Variants in AGO3 observed in about 807,000 individuals in gnomAD.
AGO3 encodes the protein protein argonaute-3.
A neutral mutation model predicts 105.5 loss-of-function variants in AGO3; 16 were observed. The ratio of observed to expected loss-of-function variants is 0.15; its 90% confidence interval spans 0.10 to 0.23. AGO3 has a LOEUF of 0.23. Among genes scored for constraint, AGO3 ranks in the 10% least tolerant of loss-of-function variants. The pLI, the probability that AGO3 is intolerant of heterozygous loss-of-function variation, is 1.00. For missense variants in AGO3, 534 were observed against 1,088.0 expected, an observed-to-expected ratio of 0.49 and a Z score of 7.16; for synonymous variants, 340 against 367.3, an observed-to-expected ratio of 0.93 and a Z score of 0.85.
intron 5 of AGO3, among the ~76,000 whole-genome samples, chr1:36,001,553 C>G (rs1271838856): frequency 6.6e-5 from 10 of 152,068 alleles, no homozygotes; most frequent in Non-Finnish European, 1.5e-4. Flanking sequence ...TACCTATTTA[C>G]TTAATTATCA....
At chr1:35,939,456 A>G (rs1003669794) in intron 1 of AGO3, among the ~76,000 whole-genome samples, 3 of 150,664 alleles carry the variant, frequency 2.0e-5, no homozygotes, top group Non-Finnish European at 3.0e-5. Context: ...AAATTTATTA[A>G]TGATGTGTCG....
chr1:36,045,052 C>G (rs1360389242), intron 17 of AGO3, among the ~76,000 whole-genome samples: 1 of 152,090 alleles, frequency 6.6e-6, no homozygotes, highest in Non-Finnish European at 1.5e-5. Flanking sequence ...AAATTATTGT[C>G]TGACTCATTT....
intron 5 of AGO3, among the ~76,000 whole-genome samples, chr1:35,980,102 T>C (rs1276180371): frequency 3.9e-5 from 6 of 152,212 alleles, no homozygotes; most frequent in Admixed American, 6.5e-5. Context: ...TTTATACTTA[T>C]ACCTTCATAT....
In AGO3 at chr1:36,066,963, T is replaced by C. The variant is rs1643104041; in HGVS notation, c.*11218T>C. On this transcript the variant is annotated 3_prime_UTR_variant, in exon 19 of 19. Coordinates refer to ENST00000373191, the MANE Select transcript of AGO3 (RefSeq NM_024852.4). ...AGCGTCTCTGTAATCTAAATTTATA[T>C]GATAATGTTGTCCCAGACCCAAAGG... The C allele has an allele frequency of 6.6e-6, 1 of 152,242 alleles. No homozygotes were observed. Among genetic ancestry groups the C allele is most frequent in the Admixed American group, 6.5e-5 (1 of 15,286 alleles). The allele number at this position is 152,242 out of a possible 1,614,324, so 9.4% of individuals were successfully genotyped here.
chr1:36,019,270 A>G (rs1641084556), intron 11 of AGO3, among the ~76,000 whole-genome samples: 1 of 152,190 alleles, frequency 6.6e-6, no homozygotes, highest in Non-Finnish European at 1.5e-5. Context: ...AGGTTCTGTT[A>G]TTAGGAGCAT....
At chr1:35,948,415 C>T (rs1646408216) in intron 2 of AGO3, among the ~76,000 whole-genome samples, 1 of 151,960 alleles carries the variant, frequency 6.6e-6, no homozygotes, top group Non-Finnish European at 1.5e-5. Context: ...GACTGGGTTT[C>T]TCCATGTTGG....
At chr1:35,999,369 A>G (rs568195077) in intron 5 of AGO3, among the ~76,000 whole-genome samples, 9 of 152,248 alleles carry the variant, frequency 5.9e-5, no homozygotes, top group African/African-American at 2.2e-4. Context: ...TGTTGTGGCT[A>G]TTCTTGTTTC....
intron 16 of AGO3, among the ~76,000 whole-genome samples, chr1:36,043,014 G>T (rs1348331677): frequency 6.6e-6 from 1 of 152,134 alleles, no homozygotes; most frequent in Non-Finnish European, 1.5e-5. Flanking sequence ...GTTAACAAAT[G>T]GTGTGACTGT....
rs754180082 is a variant in AGO3 at position 36,061,307 on chromosome 1, TGTCA to T, written c.*5567_*5570del. 1 of 152,182 alleles carries T rather than the reference TGTCA, an allele frequency of 6.6e-6. No homozygotes were observed. The highest frequency in any genetic ancestry group is 1.5e-5 in the Non-Finnish European group (1 of 68,024). 9.4% of individuals were successfully genotyped at this position (152,182 alleles called of 1,614,324 possible). A position where few individuals can be genotyped will look rare whatever the true frequency, so the allele number is the denominator to read the frequency against. On this transcript the variant is annotated 3_prime_UTR_variant, in exon 19 of 19. Coordinates refer to ENST00000373191, the MANE Select transcript of AGO3 (RefSeq NM_024852.4). ...GTACATTTAAGTTTATAATTTTCCA[TGTCA>T]GTCAACATAATTTTTTAAACTAAGG...
intron 16 of AGO3, among the ~76,000 whole-genome samples, chr1:36,041,881 C>G (rs930152751): frequency 3.9e-5 from 6 of 151,934 alleles, no homozygotes; most frequent in Admixed American, 3.9e-4. Context: ...TTGGCCCACA[C>G]TAAGTACTCA....
rs146300598 is a variant in AGO3, at chr1:35,941,272, C to G, written c.20-4420C>G. On this transcript the variant is annotated intron_variant, in intron 1 of 18. Transcript: ENST00000373191. ...TTCTAAATGTTTTCCACATCCACATCACTCCCCTAACTGTACTACTGTAGT... is the reference window on the plus strand; with the variant it reads ...TTCTAAATGTTTTCCACATCCACATGACTCCCCTAACTGTACTACTGTAGT... Among the ~76,000 whole-genome samples the G allele has an allele frequency of 5.9e-5, 9 of 151,940 alleles. No individual in the cohort carries two copies. In the East Asian group the frequency reaches 1.6e-3, roughly 26 times the overall value.
chr1:35,952,136 CTTTCTTTCTTTCT>C (rs1646483107), intron 2 of AGO3, among the ~76,000 whole-genome samples: 1 of 111,522 alleles, frequency 9.0e-6, no homozygotes, highest in African/African-American at 4.4e-5. Flanking sequence ...TTCTTTCTTT[CTTTCTTTCTTTCT>C]TTTTTTTTTT....
chr1:36,029,391 CTTTTTTTTTTTT>C (rs71034710), intron 12 of AGO3, among the ~76,000 whole-genome samples: 1 of 121,686 alleles, frequency 8.2e-6, no homozygotes, highest in Admixed American at 8.2e-5. Flanking sequence ...CTCTTTCTTT[CTTTTTTTTTTTT>C]TTTTTTTTTG....
At chr1:36,015,269 T>C (rs1243278691) in intron 11 of AGO3, among the ~76,000 whole-genome samples, 3 of 152,156 alleles carry the variant, frequency 2.0e-5, no homozygotes, top group African/African-American at 7.2e-5. Flanking sequence ...AGTAAAGATA[T>C]CCATAGGGTG....
At chr1:36,053,530 C>T (rs1642804717) in intron 17 of AGO3, among the ~76,000 whole-genome samples, 2 of 152,192 alleles carry the variant, frequency 1.3e-5, no homozygotes, top group African/African-American at 2.4e-5. Flanking sequence ...CTACCTTGTC[C>T]TCCCAAAGTG....
rs766476587 is a variant in AGO3 at position 36,008,586 on chromosome 1, T to C, written c.794-104T>C. ...CATCTTGCCTGTATCACAGAATTTT[T>C]TGTCTGTTCAGAATTGAGTTTTTAT... is the stretch of plus-strand genomic sequence containing the variant. On this transcript the variant is annotated intron_variant, in intron 6 of 18. Transcript: ENST00000373191. This position sits in a 1 kb window ranked among gnomAD's most constrained non-coding sequence, Gnocchi z 5.1. 2.9e-4 allele frequency: 287 copies of C among 1,007,012 alleles called. No homozygotes were observed. The highest frequency in any genetic ancestry group is 3.8e-4 in the Non-Finnish European group (259 of 682,790). 62.4% of individuals were successfully genotyped at this position (1,007,012 alleles called of 1,614,324 possible). A position where few individuals can be genotyped will look rare whatever the true frequency, so the allele number is the denominator to read the frequency against.
At chr1:36,020,696 A>T (rs374242645) in intron 11 of AGO3, among the ~76,000 whole-genome samples, 3 of 151,866 alleles carry the variant, frequency 2.0e-5, no homozygotes, top group African/African-American at 4.8e-5. Context: ...GCTCACTGCA[A>T]CCTCCTCCTT....
At chr1:35,974,974 C>A (rs1468644403) in intron 5 of AGO3, among the ~76,000 whole-genome samples, 2 of 151,990 alleles carry the variant, frequency 1.3e-5, no homozygotes, top group African/African-American at 4.8e-5. Context: ...TTCAGCTGCA[C>A]CTACCATTGT....
chr1:35,973,442 A>G lies in AGO3; in HGVS notation c.589A>G (p.Arg197Gly). The G allele has an allele frequency of 6.3e-7, 1 of 1,595,156 alleles. No individual in the cohort carries two copies. Among genetic ancestry groups the G allele is most frequent in the Non-Finnish European group, 8.6e-7 (1 of 1,168,050 alleles). Residue 197 changes from arginine (R) to glycine (G), a missense_variant, in exon 5 of 19, where the codon AGG (arginine) becomes GGG (glycine). By Grantham distance (125) the Arg-to-Gly change is moderately radical (BLOSUM62 -2). This residue lies in a region of AGO3 where 373 missense variants were observed against 854.0 expected (regional missense o/e 0.44). Transcript: ENST00000373191. ...EGYDHPLGGGREVWFGFHQSV... is the reference protein window; with the variant it reads ...EGYDHPLGGGGEVWFGFHQSV... ...ATATGACCACCCTCTGGGAGGGGGC[A>G]GGGAAGTGTGGTTTGGATTCCATCA...
Sources: allele counts gnomAD v4.1 joint callset (sites outside exome capture counted in the v4.1 genomes callset), GRCh38; gene constraint gnomAD v4.1.1; regional missense constraint gnomAD v4.1.1; non-coding constraint Gnocchi (gnomAD v3.1); transcripts MANE v1.5; gene names NCBI Gene and HGNC (gene_info 2026-07-23, HGNC 2026-07-21).